The following LORICRIN variants were observed in gnomAD, a reference collection of about 807,000 sequenced individuals.
LORICRIN encodes the protein loricrin cornified envelope precursor protein.
LORICRIN carries 5 observed loss-of-function variants against 3.3 expected under a neutral mutation model. That is an observed-to-expected ratio of 1.52 (90% CI 0.79 to 3.19). The LOEUF is 3.19. Ranked by LOEUF, LORICRIN falls within the 30% of genes most tolerant of loss-of-function variation. The pLI, the probability that LORICRIN is intolerant of heterozygous loss-of-function variation, is 0.00. For missense variants in LORICRIN, 524 were observed against 460.2 expected (o/e 1.14, Z -1.27); for synonymous variants, 237 against 231.4 (o/e 1.02, Z -0.22).
Position 153,261,017 on chromosome 1 carries a change from G to A in LORICRIN, c.68G>A (p.Gly23Asp). ...GACTGCGTGAAGACCTCTGGCGGCGGTGGCGGTGGCGGCGGCAGCGGCGGT... is the reference window on the plus strand; with the variant it reads ...GACTGCGTGAAGACCTCTGGCGGCGATGGCGGTGGCGGCGGCAGCGGCGGT... ...PVDCVKTSGG[G>D]GGGGGSGGGG... Residue 23 changes from glycine to aspartate, a missense_variant, in exon 2 of 2, where the codon GGT (glycine) becomes GAT (aspartate). Gly to Asp is a moderately conservative substitution (Grantham distance 94). Transcript: ENST00000368742. 1.3e-6 allele frequency: 2 copies of A among 1,568,092 alleles called. No individual in the cohort carries two copies. Among genetic ancestry groups the A allele is most frequent in the Non-Finnish European group, 1.7e-6 (2 of 1,154,296 alleles).
rs181394062 is a variant in LORICRIN at position 153,261,927 on chromosome 1, G to A, written c.*39G>A. ...CCACGGAGGCGAAGGAGTTGGAGGT[G>A]TTTTCCAGGGGCACCGATGGGCTTA... On this transcript the variant is annotated 3_prime_UTR_variant, in exon 2 of 2. Coordinates refer to ENST00000368742, the MANE Select transcript of LORICRIN (RefSeq NM_000427.3). The A allele has an allele frequency of 7.0e-5, 112 of 1,589,138 alleles. 2 individuals carry two copies. The East Asian group carries it at 2.4e-3, about 34-fold the overall frequency.
rs1204950558 is a variant in LORICRIN, at chr1:153,261,525, C to CGGCTCTGGCGGA, written c.585_586insGGAGGCTCTGGC (p.Gly192_Gly195dup). 6.6e-7 allele frequency: 1 copy of CGGCTCTGGCGGA among 1,511,214 alleles called. No individual in the cohort carries two copies. Among genetic ancestry groups the CGGCTCTGGCGGA allele is most frequent in the Non-Finnish European group, 8.8e-7 (1 of 1,134,702 alleles). The allele number at this position is 1,511,214 out of a possible 1,614,324, so 93.6% of individuals were successfully genotyped here. A position where few individuals can be genotyped will look rare whatever the true frequency, so the allele number is the denominator to read the frequency against. On this transcript the variant is annotated inframe_insertion, in exon 2 of 2. Coordinates refer to ENST00000368742, the MANE Select transcript of LORICRIN (RefSeq NM_000427.3). ...GCTCTGTCTGCGGCTACTCTGGCGGCGGCTCTGGCTGCGGCGGAGGCTCCT... is the reference window on the plus strand; with the variant it reads ...GCTCTGTCTGCGGCTACTCTGGCGGCGGCTCTGGCGGAGGCTCTGGCTGCGGCGGAGGCTCCT...
In LORICRIN at chr1:153,261,296, C is replaced by T. The variant is rs1185570421; in HGVS notation, c.347C>T (p.Ser116Phe). 1 of 1,432,758 alleles carries T rather than the reference C, an allele frequency of 7.0e-7. No individual in the cohort carries two copies. Among genetic ancestry groups the T allele is most frequent in the South Asian group, 1.4e-5 (1 of 71,110 alleles). 88.8% of individuals were successfully genotyped at this position (1,432,758 alleles called of 1,614,324 possible). ...GGGGGCGGCTCCGGCTGCTTCTCCT[C>T]CGGTGGCGGCGGCTCCTCCGGGGGC... ...SGGGGSGCFSSGGGGSSGGGS... is the reference protein window; with the variant it reads ...SGGGGSGCFSFGGGGSSGGGS... Residue 116 changes from serine (S) to phenylalanine (F), a missense_variant, in exon 2 of 2, where the codon TCC (serine) becomes TTC (phenylalanine). Physicochemically the swap from Ser to Phe is radical, Grantham distance 155. Transcript: ENST00000368742.
rs1468167171 is a variant in LORICRIN, at chr1:153,261,531, T to TGGCGGCGGCTCC, written c.585_586insGGCGGCTCCGGC (p.Gly192_Gly195dup). On this transcript the variant is annotated inframe_insertion, in exon 2 of 2. Transcript: ENST00000368742. ...TCTGCGGCTACTCTGGCGGCGGCTC[T>TGGCGGCGGCTCC]GGCTGCGGCGGAGGCTCCTCTGGCG... 6.7e-7 allele frequency: 1 copy of TGGCGGCGGCTCC among 1,490,620 alleles called. No homozygotes were observed. 92.3% of individuals were successfully genotyped at this position (1,490,620 alleles called of 1,614,324 possible).
chr1:153,261,145 G>C lies in LORICRIN; in HGVS notation c.196G>C (p.Gly66Arg), dbSNP rs1658768585. 7.4e-7 allele frequency: 1 copy of C among 1,343,826 alleles called. No homozygotes were observed. The highest frequency in any genetic ancestry group is 4.1e-5 in the Admixed American group (1 of 24,272). 83.2% of individuals were successfully genotyped at this position (1,343,826 alleles called of 1,614,324 possible). A position where few individuals can be genotyped will look rare whatever the true frequency, so the allele number is the denominator to read the frequency against. The part of the protein sequence containing the change: ...GGGYSGGGCG[G>R]GSSGGGGGGG... ...TGGCTACTCTGGCGGCGGCTGCGGCGGGGGCTCCTCCGGCGGCGGGGGCGG... is the reference window on the plus strand; with the variant it reads ...TGGCTACTCTGGCGGCGGCTGCGGCCGGGGCTCCTCCGGCGGCGGGGGCGG... The change falls in exon 2 of 2, where the codon GGG (glycine) becomes CGG (arginine). Residue 66 changes from glycine to arginine, a missense_variant. Physicochemically the swap from Gly to Arg is moderately radical, Grantham distance 125 (BLOSUM62 -2). Coordinates refer to ENST00000368742, the MANE Select transcript of LORICRIN (RefSeq NM_000427.3).
chr1:153,261,921 G>A lies in LORICRIN; in HGVS notation c.*33G>A, dbSNP rs139894582. On this transcript the variant is annotated 3_prime_UTR_variant, in exon 2 of 2. Transcript: ENST00000368742. Reference sequence around the variant, plus strand: ...AGGGTACCACGGAGGCGAAGGAGTTGGAGGTGTTTTCCAGGGGCACCGATG... The same window carrying A: ...AGGGTACCACGGAGGCGAAGGAGTTAGAGGTGTTTTCCAGGGGCACCGATG... 1.1e-3 allele frequency: 1,835 copies of A among 1,599,840 alleles called. 17 individuals are homozygous for A. The African/African-American group carries it at 0.02, about 18-fold the overall frequency.
At position 153,261,075 on chromosome 1, in the gene LORICRIN, AG is replaced by A; in HGVS notation, c.131del (p.Gly44AlafsTer295). 2 of 1,448,550 alleles carry A rather than the reference AG, an allele frequency of 1.4e-6. No homozygotes were observed. The highest frequency in any genetic ancestry group is 9.1e-7 in the Non-Finnish European group (1 of 1,093,870). The allele number at this position is 1,448,550 out of a possible 1,614,324, so 89.7% of individuals were successfully genotyped here. ...GCGGCTTCTTCGGCGGCGGCGGCTC[AG>A]GGGGCGGTAGCAGCGGTTCTGGCTG... ...GCGFFGGGGS[G>X]GGSSGSGCGY... On this transcript the variant is annotated frameshift_variant, in exon 2 of 2. Transcript: ENST00000368742. LOFTEE classifies it low-confidence loss of function (END_TRUNC).
In LORICRIN at chr1:153,261,915, G is replaced by A. The variant is rs1425743906; in HGVS notation, c.*27G>A. Reference sequence around the variant, plus strand: ...TCCCCCAGGGTACCACGGAGGCGAAGGAGTTGGAGGTGTTTTCCAGGGGCA... The same window carrying A: ...TCCCCCAGGGTACCACGGAGGCGAAAGAGTTGGAGGTGTTTTCCAGGGGCA... On this transcript the variant is annotated 3_prime_UTR_variant, in exon 2 of 2. Transcript: ENST00000368742. The A allele has an allele frequency of 6.2e-7, 1 of 1,602,894 alleles. No homozygotes were observed.
At position 153,261,476 on chromosome 1, in the gene LORICRIN, G is replaced by T; in HGVS notation, c.527G>T (p.Cys176Phe). The T allele has an allele frequency of 6.7e-7, 1 of 1,499,164 alleles. No individual in the cohort carries two copies. The highest frequency in any genetic ancestry group is 8.9e-7 in the Non-Finnish European group (1 of 1,127,942). 92.9% of individuals were successfully genotyped at this position (1,499,164 alleles called of 1,614,324 possible). A position where few individuals can be genotyped will look rare whatever the true frequency, so the allele number is the denominator to read the frequency against. Reference sequence around the variant, plus strand: ...GGCTCCTCCGGGGGCGGCTCCGGCTGCTTCTCCAGCGGCGGGGGCGGCGGC... The same window carrying T: ...GGCTCCTCCGGGGGCGGCTCCGGCTTCTTCTCCAGCGGCGGGGGCGGCGGC... ...SGGSSGGGSG[C>F]FSSGGGGGSV... is the part of the protein sequence containing the mutation. Residue 176 changes from cysteine (C) to phenylalanine (F), a missense_variant, in exon 2 of 2, where the codon TGC becomes TTC. Cys to Phe is a radical substitution (Grantham distance 205). Coordinates refer to ENST00000368742, the MANE Select transcript of LORICRIN (RefSeq NM_000427.3).
chr1:153,261,250 T>G lies in LORICRIN; in HGVS notation c.301T>G (p.Ser101Ala). 7.2e-7 allele frequency: 1 copy of G among 1,385,604 alleles called. No homozygotes were observed. Among genetic ancestry groups the G allele is most frequent in the East Asian group, 3.0e-5 (1 of 33,252 alleles). 85.8% of individuals were successfully genotyped at this position (1,385,604 alleles called of 1,614,324 possible). The change falls in exon 2 of 2, where the codon TCT becomes GCT. Residue 101 changes from serine to alanine, a missense_variant. Transcript: ENST00000368742. Reference sequence around the variant, plus strand: ...AGGCGGCGGCTCCTCCGGCGGGGGCTCTGGCTGTTTCTCCAGCGGTGGGGG... The same window carrying G: ...AGGCGGCGGCTCCTCCGGCGGGGGCGCTGGCTGTTTCTCCAGCGGTGGGGG... ...SGGGGSSGGGSGCFSSGGGGS... is the reference protein window; with the variant it reads ...SGGGGSSGGGAGCFSSGGGGS...
intron 1 of LORICRIN, among the ~76,000 whole-genome samples, chr1:153,260,052 C>G: frequency 6.6e-6 from 1 of 152,192 alleles, no homozygotes; most frequent in East Asian, 1.9e-4. Flanking sequence ...AGCCTGTGCA[C>G]AGGCTGAGCA....
In LORICRIN at chr1:153,261,239, C is replaced by G. The variant is rs1341543127; in HGVS notation, c.290C>G (p.Ser97Cys). ...SVKYSGGGGS[S>C]GGGSGCFSSG... ...AAGTACTCCGGAGGCGGCGGCTCCT[C>G]CGGCGGGGGCTCTGGCTGTTTCTCC... Residue 97 changes from serine to cysteine, a missense_variant, in exon 2 of 2, where the codon TCC becomes TGC. Coordinates refer to ENST00000368742, the MANE Select transcript of LORICRIN (RefSeq NM_000427.3). 2.2e-6 allele frequency: 3 copies of G among 1,370,908 alleles called. No homozygotes were observed. Among genetic ancestry groups the G allele is most frequent in the South Asian group, 1.7e-5 (1 of 60,266 alleles). 84.9% of individuals were successfully genotyped at this position (1,370,908 alleles called of 1,614,324 possible).
In LORICRIN at chr1:153,261,613, C is replaced by T. The variant is rs1420054386; in HGVS notation, c.664C>T (p.Gln222Ter). 2 of 1,506,188 alleles carry T rather than the reference C, an allele frequency of 1.3e-6. No individual in the cohort carries two copies. Among genetic ancestry groups the T allele is most frequent in the Non-Finnish European group, 1.8e-6 (2 of 1,136,694 alleles). The allele number at this position is 1,506,188 out of a possible 1,614,324, so 93.3% of individuals were successfully genotyped here. ...QQVTQTSCAP[Q>*]PSYGGGSSGG... ...GGTCACTCAGACCTCGTGCGCGCCC[C>T]AGCCGAGTTACGGAGGGGGGTCGTC... Residue 222 changes from glutamine to a stop codon, truncating the protein, a stop_gained, in exon 2 of 2, where the codon CAG becomes TAG. Coordinates refer to ENST00000368742, the MANE Select transcript of LORICRIN (RefSeq NM_000427.3). LOFTEE classifies it low-confidence loss of function (END_TRUNC).
Position 153,261,225 on chromosome 1 carries a change from A to AGGCGGCGGCTCCTCCGGC in LORICRIN, c.279_296dup (p.Gly95_Gly100dup). 3 of 1,371,672 alleles carry AGGCGGCGGCTCCTCCGGC rather than the reference A, an allele frequency of 2.2e-6. No individual in the cohort carries two copies. Among genetic ancestry groups the AGGCGGCGGCTCCTCCGGC allele is most frequent in the Non-Finnish European group, 1.9e-6 (2 of 1,074,710 alleles). 85.0% of individuals were successfully genotyped at this position (1,371,672 alleles called of 1,614,324 possible). On this transcript the variant is annotated inframe_insertion, in exon 2 of 2. Coordinates refer to ENST00000368742, the MANE Select transcript of LORICRIN (RefSeq NM_000427.3). ...CCGGTGGGAGCGTCAAGTACTCCGGAGGCGGCGGCTCCTCCGGCGGGGGCT... is the reference window on the plus strand; with the variant it reads ...CCGGTGGGAGCGTCAAGTACTCCGGAGGCGGCGGCTCCTCCGGCGGCGGCGGCTCCTCCGGCGGGGGCT...
Position 153,261,526 on chromosome 1 carries a change from G to GGCTCTGGCGGCT in LORICRIN, c.585_586insGGCTGCTCTGGC (p.Gly195_Cys196insGlyCysSerGly). The GGCTCTGGCGGCT allele has an allele frequency of 6.6e-7, 1 of 1,508,032 alleles. No individual in the cohort carries two copies. The highest frequency in any genetic ancestry group is 8.8e-7 in the Non-Finnish European group (1 of 1,133,824). 93.4% of individuals were successfully genotyped at this position (1,508,032 alleles called of 1,614,324 possible). On this transcript the variant is annotated inframe_insertion, in exon 2 of 2. Transcript: ENST00000368742. ...CTCTGTCTGCGGCTACTCTGGCGGC[G>GGCTCTGGCGGCT]GCTCTGGCTGCGGCGGAGGCTCCTC...
intron 1 of LORICRIN, among the ~76,000 whole-genome samples, chr1:153,260,185 G>A (rs548321881): frequency 1.3e-5 from 2 of 152,332 alleles, no homozygotes; most frequent in South Asian, 2.1e-4. Context: ...CTGTTTTACA[G>A]AGTTAGAAGT....
chr1:153,261,558 C>T lies in LORICRIN; in HGVS notation c.609C>T (p.Gly203=), dbSNP rs1429395640. 5 of 1,511,888 alleles carry T rather than the reference C, an allele frequency of 3.3e-6. No individual in the cohort carries two copies. The highest frequency in any genetic ancestry group is 2.0e-5 in the Admixed American group (1 of 49,666). The allele number at this position is 1,511,888 out of a possible 1,614,324, so 93.7% of individuals were successfully genotyped here. A position where few individuals can be genotyped will look rare whatever the true frequency, so the allele number is the denominator to read the frequency against. The change falls in exon 2 of 2, where the codon GGC becomes GGT. Residue 203 remains glycine (G), a synonymous_variant. Transcript: ENST00000368742. ...GSGCGGGSSG[G]SGSGYVSSQQ... ...GCTGCGGCGGAGGCTCCTCTGGCGGCAGCGGCTCCGGCTACGTCTCCTCGC... is the reference window on the plus strand; with the variant it reads ...GCTGCGGCGGAGGCTCCTCTGGCGGTAGCGGCTCCGGCTACGTCTCCTCGC...
At chr1:153,259,814 T>C (rs1007505705) in intron 1 of LORICRIN, 81 bp downstream of exon 1, 2 of 152,302 alleles carry the variant, frequency 1.3e-5, no homozygotes, top group Non-Finnish European at 2.9e-5. Flanking sequence ...CCAGGGCCTC[T>C]TTCCCCTTTG....
At position 153,262,051 on chromosome 1, in the gene LORICRIN, T is replaced by C; in HGVS notation, c.*163T>C. 2.5e-6 allele frequency: 2 copies of C among 810,502 alleles called. No homozygotes were observed. Among genetic ancestry groups the C allele is most frequent in the East Asian group, 5.4e-5 (2 of 36,992 alleles). The allele number at this position is 810,502 out of a possible 1,614,324, so 50.2% of individuals were successfully genotyped here. On this transcript the variant is annotated 3_prime_UTR_variant, in exon 2 of 2. Coordinates refer to ENST00000368742, the MANE Select transcript of LORICRIN (RefSeq NM_000427.3). Reference sequence around the variant, plus strand: ...TCCGGCTGCATCTAGTTCTGCTGTTTAGCCTCTTTGGTTTCTGTACAACTA... The same window carrying C: ...TCCGGCTGCATCTAGTTCTGCTGTTCAGCCTCTTTGGTTTCTGTACAACTA...
Sources: gnomAD v4.1 joint callset for allele counts (sites outside exome capture counted in the v4.1 genomes callset) on GRCh38, gnomAD v4.1.1 for gene constraint, MANE v1.5 for transcripts, NCBI Gene and HGNC (gene_info 2026-07-23, HGNC 2026-07-21) for gene names.